DLC1: variants seen among roughly 807,000 people sequenced by gnomAD.
DLC1 encodes the protein rho GTPase-activating protein 7.
A neutral mutation model predicts 140.3 loss-of-function variants in DLC1; 54 were observed. The observed-to-expected ratio is 0.38, with a 90% CI of 0.31 to 0.48. The LOEUF (loss-of-function observed/expected upper bound fraction) is 0.48. DLC1 is among the 20% of genes least tolerant of loss of function. The probability of loss-of-function intolerance (pLI) is 0.96; values close to 1 mark genes in which losing one functional copy is unlikely to be tolerated. For synonymous variants in DLC1, 986 were observed against 728.1 expected (o/e 1.35, Z -5.70); for missense variants, 2,536 against 1,907.0 (o/e 1.33, Z -6.14).
intron 1 of DLC1, among the ~76,000 whole-genome samples, chr8:13,572,869 T>A (rs1463840574): frequency 2.0e-5 from 3 of 152,198 alleles, no homozygotes; most frequent in Non-Finnish European, 4.4e-5. Flanking sequence ...ACCATAATAT[T>A]TTTATTACTG....
chr8:13,308,321 C>A (rs1440714865), intron 4 of DLC1, among the ~76,000 whole-genome samples: 1 of 152,130 alleles, frequency 6.6e-6, no homozygotes, highest in East Asian at 1.9e-4. Flanking sequence ...ACTTCAAAGA[C>A]CATATTACAA....
chr8:13,423,835 A>G (rs1024243716), intron 2 of DLC1, among the ~76,000 whole-genome samples: 6 of 152,180 alleles, frequency 3.9e-5, no homozygotes, highest in African/African-American at 1.4e-4. Context: ...CAATTTAAAG[A>G]AAAGGCTGAA....
At chr8:13,432,322 T>C (rs770005042) in intron 2 of DLC1, among the ~76,000 whole-genome samples, 1 of 152,204 alleles carries the variant, frequency 6.6e-6, no homozygotes, top group Non-Finnish European at 1.5e-5. Context: ...GGAATGGTGA[T>C]CTAATTTGAG....
chr8:13,262,473 G>C (rs898099353), intron 5 of DLC1, among the ~76,000 whole-genome samples: 2 of 151,976 alleles, frequency 1.3e-5, no homozygotes, highest in Admixed American at 1.3e-4. Flanking sequence ...TTAGTAAAAT[G>C]AAAAGAGGTC....
chr8:13,595,382 G>T (rs1177572465), intron 1 of DLC1, among the ~76,000 whole-genome samples: 2 of 151,958 alleles, frequency 1.3e-5, no homozygotes, highest in African/African-American at 4.8e-5. Context: ...TTGCATGATG[G>T]AAATAATAGT....
intron 5 of DLC1, among the ~76,000 whole-genome samples, chr8:13,234,846 A>G (rs1429812823): frequency 6.6e-6 from 1 of 152,102 alleles, no homozygotes; most frequent in Non-Finnish European, 1.5e-5. Context: ...GACTTGTCTT[A>G]AGAAACAAAA....
At chr8:13,175,727 C>T (rs1825724241) in intron 5 of DLC1, among the ~76,000 whole-genome samples, 1 of 152,100 alleles carries the variant, frequency 6.6e-6, no homozygotes, top group South Asian at 2.1e-4. Context: ...GCATGTTCTT[C>T]TTTTTTCTTG....
intron 4 of DLC1, among the ~76,000 whole-genome samples, chr8:13,373,112 C>G (rs1052534797): frequency 2.0e-5 from 3 of 152,200 alleles, no homozygotes; most frequent in African/African-American, 4.8e-5. Context: ...AACTCCTAAG[C>G]TCAAGCATTC....
intron 13 of DLC1, among the ~76,000 whole-genome samples, 196 bp from the exon 14 acceptor site, chr8:13,091,628 T>C (rs1818084125): frequency 6.6e-6 from 1 of 152,156 alleles, no homozygotes. Context: ...CAAAAAAACA[T>C]TAAAGAGATA....
intron 5 of DLC1, among the ~76,000 whole-genome samples, chr8:13,206,132 T>C (rs1480707733): frequency 6.6e-6 from 1 of 152,206 alleles, no homozygotes; most frequent in Non-Finnish European, 1.5e-5. Context: ...TGTTTAGTTA[T>C]GTAACACCCA....
At chr8:13,137,291 A>G (rs1054542866) in intron 5 of DLC1, among the ~76,000 whole-genome samples, 2 of 152,160 alleles carry the variant, frequency 1.3e-5, no homozygotes, top group African/African-American at 4.8e-5. Flanking sequence ...AATGTTAGAT[A>G]ACGTTAGATA....
intron 4 of DLC1, chr8:13,353,361 G>T (rs1834767231): frequency 6.6e-6 from 1 of 152,148 alleles, no homozygotes; most frequent in Non-Finnish European, 1.5e-5. Flanking sequence ...ATCTGTAAAA[G>T]ACTTCACTGT....
intron 3 of DLC1, among the ~76,000 whole-genome samples, chr8:13,395,215 A>C (rs1026245696): frequency 6.6e-6 from 1 of 150,946 alleles, no homozygotes; most frequent in African/African-American, 2.4e-5. Context: ...CCACCTCCTG[A>C]GTTCATGCAA....
At chr8:13,258,085 T>C (rs1030181376) in intron 5 of DLC1, among the ~76,000 whole-genome samples, 4 of 152,216 alleles carry the variant, frequency 2.6e-5, no homozygotes, top group Non-Finnish European at 5.9e-5. Flanking sequence ...TGTAGTGTTT[T>C]AGAGTGGCTG....
intron 4 of DLC1, among the ~76,000 whole-genome samples, chr8:13,388,956 C>G (rs1320857898): frequency 6.6e-6 from 1 of 151,870 alleles, no homozygotes; most frequent in Non-Finnish European, 1.5e-5. Context: ...ACAGCTCAAG[C>G]CAATTTATAT....
chr8:13,456,767 T>C (rs946916110), intron 2 of DLC1, among the ~76,000 whole-genome samples: 1 of 152,200 alleles, frequency 6.6e-6, no homozygotes, highest in African/African-American at 2.4e-5. Context: ...CTCCATAATA[T>C]ACTGCTTTGC....
At chr8:13,321,542 AG>A (rs68185377) in intron 4 of DLC1, among the ~76,000 whole-genome samples, 101,233 of 120,694 alleles carry the variant, frequency 0.84, 43,682 homozygotes, top group Middle Eastern at 0.96. Context: ...GTCTCAAAAA[AG>A]AAAAAAAAAA....
intron 5 of DLC1, among the ~76,000 whole-genome samples, chr8:13,289,431 A>ATCC (rs1356089783): frequency 6.6e-6 from 1 of 152,002 alleles, no homozygotes; most frequent in African/African-American, 2.4e-5. Context: ...GCCTCAAGTG[A>ATCC]TCCTCCTACC....
chr8:13,199,979 A>G lies in DLC1; in HGVS notation c.1349-84322T>C, dbSNP rs185661292. ...TTAAGTATTTATAGTATGCTAGGCAATGTTCTGAAAGAGTTAGATGTATTA... is the reference window on the plus strand; with the variant it reads ...TTAAGTATTTATAGTATGCTAGGCAGTGTTCTGAAAGAGTTAGATGTATTA... On this transcript the variant is annotated intron_variant, in intron 5 of 17. Coordinates refer to ENST00000276297, the MANE Select transcript of DLC1 (RefSeq NM_182643.3). Among the ~76,000 whole-genome samples the G allele has an allele frequency of 2.6e-5, 4 of 152,338 alleles. No homozygotes were observed. The East Asian group carries it at 7.7e-4, about 29-fold the overall frequency.
Sources: gnomAD v4.1 joint callset for allele counts (sites outside exome capture counted in the v4.1 genomes callset) on GRCh38, gnomAD v4.1.1 for gene constraint, MANE v1.5 for transcripts, NCBI Gene and HGNC (gene_info 2026-07-23, HGNC 2026-07-21) for gene names.